Variants in AGBL1 observed in about 807,000 individuals in gnomAD.
AGBL1 encodes the protein AGBL carboxypeptidase 1, also known as cytosolic carboxypeptidase 4.
AGBL1 carries 130 observed loss-of-function variants against 118.9 expected under a neutral mutation model. The ratio of observed to expected loss-of-function variants is 1.09; its 90% CI spans 0.95 to 1.26. The LOEUF is 1.26. AGBL1 is among the 50% of genes most tolerant of loss of function. The pLI is 0.00. For missense variants in AGBL1, 1,584 were observed against 1,298.1 expected, an observed-to-expected ratio of 1.22 and a Z score of -3.38; for synonymous variants, 555 against 478.9, an observed-to-expected ratio of 1.16 and a Z score of -2.08.
intron 22 of AGBL1, among the ~76,000 whole-genome samples, chr15:86,689,897 A>T (rs919425225): frequency 2.0e-5 from 3 of 152,182 alleles, no homozygotes; most frequent in African/African-American, 7.2e-5. Flanking sequence ...GGAAGAGTAC[A>T]CGGTTCTCTA....
chr15:86,918,244 C>A (rs911036303), downstream of AGBL1, among the ~76,000 whole-genome samples: 1 of 152,120 alleles, frequency 6.6e-6, no homozygotes, highest in African/African-American at 2.4e-5. Context: ...ATTATGATAC[C>A]CATTTTACAG....
chr15:86,150,289 G>T (rs2141674846), intron 3 of AGBL1, among the ~76,000 whole-genome samples: 1 of 152,196 alleles, frequency 6.6e-6, no homozygotes, highest in African/African-American at 2.4e-5. Flanking sequence ...GAGCAGAACT[G>T]AAAGAGATAG....
At position 86,352,509 on chromosome 15, in the gene AGBL1, G is replaced by T. The variant is rs1194279803; in HGVS notation, c.2375-44857G>T. Among the ~76,000 whole-genome samples the T allele has an allele frequency of 4.6e-5, 7 of 151,080 alleles. No individual in the cohort carries two copies. The East Asian group carries it at 1.2e-3, about 25-fold the overall frequency. ...TTTTTTTTTTTGGAATGGAGTCTTGGTCTGTTGTCCAAGCTGGAGCGCATT... is the reference window on the plus strand; with the variant it reads ...TTTTTTTTTTTGGAATGGAGTCTTGTTCTGTTGTCCAAGCTGGAGCGCATT... On this transcript the variant is annotated intron_variant, in intron 17 of 22. Coordinates refer to ENST00000614907, the MANE Select transcript of AGBL1 (RefSeq NM_001386094.1).
chr15:86,544,980 G>T (rs776842774), intron 19 of AGBL1, among the ~76,000 whole-genome samples: 6 of 152,124 alleles, frequency 3.9e-5, no homozygotes, highest in Non-Finnish European at 8.8e-5. Context: ...CATATGATTT[G>T]CAGAACCTCC....
intron 21 of AGBL1, among the ~76,000 whole-genome samples, chr15:86,577,666 G>T (rs1567067217): frequency 6.6e-6 from 1 of 152,120 alleles, no homozygotes; most frequent in South Asian, 2.1e-4. Flanking sequence ...GTGGGCCCAG[G>T]GTCCCCGTGC....
At chr15:86,838,136 T>C (rs1391272085) in intron 22 of AGBL1, among the ~76,000 whole-genome samples, 1 of 152,154 alleles carries the variant, frequency 6.6e-6, no homozygotes, top group Non-Finnish European at 1.5e-5. Context: ...CATTTGGGAA[T>C]TTTTTGGCTG....
chr15:87,008,136 G>A (rs1471762794), intron 24 of AGBL1, among the ~76,000 whole-genome samples: 1 of 152,170 alleles, frequency 6.6e-6, no homozygotes. Context: ...GCTTCCAGAA[G>A]AGATTGGCAT....
At chr15:86,413,596 G>A (rs766643319) in intron 18 of AGBL1, among the ~76,000 whole-genome samples, 2 of 151,978 alleles carry the variant, frequency 1.3e-5, no homozygotes, top group South Asian at 4.1e-4. Context: ...TCTCATGGTG[G>A]TTTTAATTTA....
At chr15:86,969,453 T>C (rs1246831557) in intron 23 of AGBL1, among the ~76,000 whole-genome samples, 1 of 152,042 alleles carries the variant, frequency 6.6e-6, no homozygotes. Flanking sequence ...GTCTCTGCCA[T>C]GTCCCAGACC....
At chr15:86,112,700 C>T (rs1234756502) in intron 1 of AGBL1, among the ~76,000 whole-genome samples, 2 of 152,188 alleles carry the variant, frequency 1.3e-5, no homozygotes, top group African/African-American at 4.8e-5. Flanking sequence ...TAGCAATTTA[C>T]ACTCTCTTCA....
intron 21 of AGBL1, among the ~76,000 whole-genome samples, chr15:86,599,733 T>C (rs944741568): frequency 6.6e-6 from 1 of 152,132 alleles, no homozygotes; most frequent in Non-Finnish European, 1.5e-5. Flanking sequence ...CCCCGATTCC[T>C]CAGATGGATT....
chr15:86,597,378 G>A (rs1199367173), intron 21 of AGBL1, among the ~76,000 whole-genome samples: 1 of 152,114 alleles, frequency 6.6e-6, no homozygotes, highest in Admixed American at 6.6e-5. Flanking sequence ...TTTACGAGCT[G>A]GCTTTTAAAA....
At chr15:86,333,025 G>C (rs749164203) in intron 17 of AGBL1, among the ~76,000 whole-genome samples, 1 of 152,076 alleles carries the variant, frequency 6.6e-6, no homozygotes, top group African/African-American at 2.4e-5. Context: ...AAAATCTTTG[G>C]TATATAGCAA....
At position 86,266,386 on chromosome 15, in the gene AGBL1, T is replaced by C. The variant is rs996796489; in HGVS notation, c.1680T>C (p.Phe560=). The C allele has an allele frequency of 1.3e-6, 2 of 1,577,668 alleles. No individual in the cohort carries two copies. Among genetic ancestry groups the C allele is most frequent in the African/African-American group, 1.3e-5 (1 of 74,396 alleles). ...TTTTCTTTTTCAGGATCAGGATATT[T>C]GAGGATATTCGGAGGCTCATCCAGC... The part of the protein sequence containing the change: ...RKCGVQRIRI[F]EDIRRLIQPS... Residue 560 remains phenylalanine, a synonymous_variant, in exon 12 of 23, where the codon TTT becomes TTC. Coordinates refer to ENST00000614907, the MANE Select transcript of AGBL1 (RefSeq NM_001386094.1).
Position 86,827,550 on chromosome 15 carries a change from G to A in AGBL1, c.3159-79537G>A, listed in dbSNP as rs574898151. 3.5e-5 allele frequency among the ~76,000 whole-genome samples: 4 copies of A among 113,550 alleles called. No homozygotes were observed. The South Asian group carries it at 1.2e-3, about 34-fold the overall frequency. The allele number at this position is 113,550 out of a possible 152,430, so 74.5% of individuals were successfully genotyped here. On this transcript the variant is annotated intron_variant, in intron 22 of 22. Transcript: ENST00000614907. ...TGTGGTTATTTGGTTATTTTCCTGGGTTCTGAATGTATGATGGACATAGAT... is the reference window on the plus strand; with the variant it reads ...TGTGGTTATTTGGTTATTTTCCTGGATTCTGAATGTATGATGGACATAGAT...
At chr15:86,849,228 G>A (rs2079363643) in intron 22 of AGBL1, among the ~76,000 whole-genome samples, 1 of 152,206 alleles carries the variant, frequency 6.6e-6, no homozygotes, top group Non-Finnish European at 1.5e-5. Flanking sequence ...AGTGTTGCAT[G>A]GTTTCAGTTT....
At chr15:86,487,375 T>C (rs2082727088) in intron 18 of AGBL1, among the ~76,000 whole-genome samples, 1 of 152,116 alleles carries the variant, frequency 6.6e-6, no homozygotes, top group Non-Finnish European at 1.5e-5. Context: ...CTAAAAGTGC[T>C]GTGGACTCCT....
chr15:86,474,584 G>A (rs1273446528), intron 18 of AGBL1, among the ~76,000 whole-genome samples: 3 of 152,214 alleles, frequency 2.0e-5, no homozygotes, highest in Admixed American at 6.5e-5. Context: ...CAGGAAGCTC[G>A]AACTGGGTGG....
chr15:86,770,026 T>C (rs2078153221), intron 22 of AGBL1, among the ~76,000 whole-genome samples: 1 of 152,026 alleles, frequency 6.6e-6, no homozygotes, highest in Non-Finnish European at 1.5e-5. Context: ...ATACTGTATA[T>C]TGACTCCTTA....
Sources: allele counts gnomAD v4.1 joint callset (sites outside exome capture counted in the v4.1 genomes callset), GRCh38; gene constraint gnomAD v4.1.1; transcripts MANE v1.5; gene names NCBI Gene and HGNC (gene_info 2026-07-23, HGNC 2026-07-21).